HMG20A: variants seen among roughly 807,000 people sequenced by gnomAD.
HMG20A encodes the protein high mobility group protein 20A.
HMG20A carries 17 observed loss-of-function variants against 43.9 expected under a neutral mutation model. The ratio of observed to expected loss-of-function variants is 0.39; its 90% confidence interval spans 0.27 to 0.58. HMG20A has a LOEUF of 0.58. HMG20A is among the 20% of genes least tolerant of loss of function. HMG20A has a pLI of 0.59. For missense variants in HMG20A, 341 were observed against 438.2 expected (o/e 0.78, Z 1.98); for synonymous variants, 132 against 147.5 (o/e 0.89, Z 0.76).
chr15:77,460,596 G>A (rs987728317), intron 2 of HMG20A, among the ~76,000 whole-genome samples: 30 of 152,200 alleles, frequency 2.0e-4, no homozygotes, highest in African/African-American at 5.8e-4. Context: ...ATTCAAAGCC[G>A]TGAGACTGAA....
chr15:77,482,442 T>C (rs1219491091), intron 9 of HMG20A: 1 of 152,174 alleles, frequency 6.6e-6, no homozygotes, highest in Non-Finnish European at 1.5e-5. Flanking sequence ...ACTATTAAAA[T>C]GCATATGTTG....
At chr15:77,482,739 G>A (rs2072915623) in intron 9 of HMG20A, 1 of 152,096 alleles carries the variant, frequency 6.6e-6, no homozygotes, top group African/African-American at 2.4e-5. Context: ...AACTGGAACA[G>A]GGCCATGTTT....
chr15:77,478,461 G>C lies in HMG20A; in HGVS notation c.858G>C (p.Glu286Asp), dbSNP rs749244299. ...ACACAGTCTTACAGCAGCACCTGGA[G>C]ACCCTGCGGCAGGTGCTGACCAGCA... ...SRNTVLQQHL[E>D]TLRQVLTSSF... Residue 286 changes from glutamate (E) to aspartate (D), a missense_variant, in exon 8 of 10, where the codon GAG becomes GAC. Glu to Asp is a conservative substitution (Grantham distance 45, BLOSUM62 2). Coordinates refer to ENST00000336216, the MANE Select transcript of HMG20A (RefSeq NM_001304504.2). The C allele has an allele frequency of 1.2e-6, 2 of 1,612,030 alleles. No individual in the cohort carries two copies. Among genetic ancestry groups the C allele is most frequent in the South Asian group, 2.2e-5 (2 of 91,004 alleles).
chr15:77,456,781 G>C (rs551001503), intron 1 of HMG20A, among the ~76,000 whole-genome samples: 77 of 152,188 alleles, frequency 5.1e-4, no homozygotes, highest in Non-Finnish European at 7.6e-4. Flanking sequence ...TGACATTGGT[G>C]TGAGGTGATG....
chr15:77,499,144 G>T, the HMG20A span, among the ~76,000 whole-genome samples: 3 of 152,126 alleles, frequency 2.0e-5, no homozygotes, highest in South Asian at 6.2e-4. Flanking sequence ...CATTCTGTGG[G>T]AACTGTGCCT....
intron 1 of HMG20A, chr15:77,447,927 C>A (rs955328482): frequency 1.3e-5 from 2 of 152,188 alleles, no homozygotes; most frequent in Admixed American, 6.5e-5. Flanking sequence ...AAAAAATTTG[C>A]AAATAGTATA....
At chr15:77,441,133 A>G (rs933655645) in intron 1 of HMG20A, among the ~76,000 whole-genome samples, 4 of 152,106 alleles carry the variant, frequency 2.6e-5, no homozygotes, top group Admixed American at 2.6e-4. Flanking sequence ...AGTATGTACT[A>G]TTACTCTTCT....
At chr15:77,463,088 A>G (rs2072720679) in intron 2 of HMG20A, among the ~76,000 whole-genome samples, 1 of 151,904 alleles carries the variant, frequency 6.6e-6, no homozygotes, top group Non-Finnish European at 1.5e-5. Context: ...CCTCTTAAGT[A>G]TCTCTTAACT....
chr15:77,477,951 G>A (rs1282857754), intron 7 of HMG20A, among the ~76,000 whole-genome samples: 2 of 152,188 alleles, frequency 1.3e-5, no homozygotes, highest in Non-Finnish European at 2.9e-5. Flanking sequence ...GGTACCTACA[G>A]CTGTGCTTGG....
downstream of HMG20A, among the ~76,000 whole-genome samples, chr15:77,487,231 G>A (rs1051303511): frequency 2.0e-5 from 3 of 152,168 alleles, no homozygotes; most frequent in Admixed American, 6.5e-5. Flanking sequence ...AGCTATAAAG[G>A]AGGCCAAGAA....
At chr15:77,446,785 T>G (rs181219114) in intron 1 of HMG20A, among the ~76,000 whole-genome samples, 4,759 of 148,726 alleles carry the variant, frequency 0.032, 252 homozygotes, top group African/African-American at 0.11. Context: ...CCAGCCTGGG[T>G]GACAGAGCGA....
chr15:77,450,777 G>A lies in HMG20A; in HGVS notation c.-4-7627G>A, dbSNP rs148130257. Among the ~76,000 whole-genome samples, 783 of 152,284 alleles carry A rather than the reference G, an allele frequency of 5.1e-3. 5 individuals are homozygous for A. The highest frequency in any genetic ancestry group is 0.017 in the African/African-American group (723 of 41,554). On this transcript the variant is annotated intron_variant, in intron 1 of 9. Coordinates refer to ENST00000336216, the MANE Select transcript of HMG20A (RefSeq NM_001304504.2). ...CAGTGTTTTTATTGTGACCCATTAC[G>A]TGAAGTCCCATGTGGAATTTTTGTA...
chr15:77,440,128 G>C (rs2073595350), intron 1 of HMG20A, among the ~76,000 whole-genome samples: 1 of 152,050 alleles, frequency 6.6e-6, no homozygotes, highest in Admixed American at 6.5e-5. Context: ...CCCAGTCTGT[G>C]GCTTGCCTTT....
At chr15:77,464,439 CA>C (rs1184771937) in intron 3 of HMG20A, 52 bp downstream of exon 3, 1 of 1,581,704 alleles carries the variant, frequency 6.3e-7, no homozygotes, top group Non-Finnish European at 8.7e-7. Flanking sequence ...TCTGAAGAAG[CA>C]GTCACAAGGA....
At position 77,422,205 on chromosome 15, in the gene HMG20A, T is replaced by G. The variant is rs1262556604; in HGVS notation, c.-5+1201T>G. Among the ~76,000 whole-genome samples, 19 of 152,222 alleles carry G rather than the reference T, an allele frequency of 1.2e-4. 1 individual carries two copies. Among genetic ancestry groups the G allele is most frequent in the Admixed American group, 1.2e-3 (19 of 15,288 alleles). On this transcript the variant is annotated intron_variant, in intron 1 of 9. Coordinates refer to ENST00000336216, the MANE Select transcript of HMG20A (RefSeq NM_001304504.2). ...TGAATGTTAGTAATTTTAGTATATA[T>G]ATCAGTGAACCTAGAACTGTATTGT...
chr15:77,496,092 C>T, the HMG20A span, among the ~76,000 whole-genome samples: 2 of 152,132 alleles, frequency 1.3e-5, no homozygotes, highest in African/African-American at 2.4e-5. Flanking sequence ...ATGCCGGAGC[C>T]TCAGCCTGCT....
chr15:77,445,443 C>A (rs901637374), intron 1 of HMG20A, among the ~76,000 whole-genome samples: 24 of 152,172 alleles, frequency 1.6e-4, no homozygotes, highest in African/African-American at 5.6e-4. Context: ...CATCCCAAGA[C>A]CCCCGGTAGG....
intron 1 of HMG20A, 111 bp downstream of exon 1, chr15:77,421,115 G>T (rs535663028): frequency 2.3e-5 from 9 of 393,850 alleles, no homozygotes; most frequent in Non-Finnish European, 3.6e-5. Flanking sequence ...GTTGGAGGCC[G>T]GCTGAATGGG....
intron 6 of HMG20A, among the ~76,000 whole-genome samples, chr15:77,472,064 G>T (rs1378380234): frequency 6.6e-6 from 1 of 151,892 alleles, no homozygotes; most frequent in East Asian, 1.9e-4. Context: ...GGCTTTAAAT[G>T]CCAAAGATGG....
Sources: allele counts gnomAD v4.1 joint callset (sites outside exome capture counted in the v4.1 genomes callset), GRCh38; gene constraint gnomAD v4.1.1; transcripts MANE v1.5; gene names NCBI Gene and HGNC (gene_info 2026-07-23, HGNC 2026-07-21).